Variants in PTPRR observed in about 807,000 individuals in gnomAD.
PTPRR encodes receptor-type tyrosine-protein phosphatase R.
Under a neutral mutation model 77.2 loss-of-function variants are expected in PTPRR, and 38 were observed. That is an observed-to-expected ratio of 0.49 (90% CI 0.38 to 0.65). The LOEUF (loss-of-function observed/expected upper bound fraction) is 0.65, where lower values mean the gene tolerates loss of function less well. Ranked by LOEUF, PTPRR falls within the 30% of genes least tolerant of loss-of-function variation. The pLI is 0.00. For synonymous variants in PTPRR, 299 were observed against 283.1 expected (o/e 1.06, Z -0.57); for missense variants, 744 against 799.2 (o/e 0.93, Z 0.83).
intron 2 of PTPRR, among the ~76,000 whole-genome samples, chr12:70,875,465 G>C (rs1369482841): frequency 6.6e-6 from 1 of 152,124 alleles, no homozygotes; most frequent in Admixed American, 6.6e-5. Context: ...GAATGGAGAA[G>C]AGGGGAAGGA....
chr12:70,680,604 A>G (rs7298378), intron 10 of PTPRR, among the ~76,000 whole-genome samples: 25,097 of 152,064 alleles, frequency 0.17, 2,393 homozygotes, highest in South Asian at 0.26. Context: ...ACAAGAACAA[A>G]TCCACTGGTT....
intron 2 of PTPRR, among the ~76,000 whole-genome samples, chr12:70,866,544 C>T (rs1167141731): frequency 1.3e-5 from 2 of 152,288 alleles, no homozygotes; most frequent in South Asian, 2.1e-4. Flanking sequence ...TAATCAATAG[C>T]TTACCAACCA....
At chr12:70,779,935 C>T (rs995063812) in intron 2 of PTPRR, among the ~76,000 whole-genome samples, 2 of 151,980 alleles carry the variant, frequency 1.3e-5, no homozygotes, top group African/African-American at 4.8e-5. Flanking sequence ...GACACTTTGA[C>T]TACTATAACA....
intron 2 of PTPRR, among the ~76,000 whole-genome samples, chr12:70,800,244 C>T (rs993065905): frequency 1.3e-5 from 2 of 151,526 alleles, no homozygotes; most frequent in African/African-American, 4.8e-5. Context: ...CTACCCACTG[C>T]ATTTTAGACA....
chr12:70,793,307 T>A (rs1385483007), intron 2 of PTPRR, among the ~76,000 whole-genome samples: 1 of 152,200 alleles, frequency 6.6e-6, no homozygotes, highest in Admixed American at 6.5e-5. Context: ...ATGGAAATTC[T>A]AAATACGTGG....
intron 10 of PTPRR, chr12:70,672,863 G>A (rs1161131097): frequency 6.4e-7 from 1 of 1,559,002 alleles, no homozygotes; most frequent in East Asian, 2.5e-5. Flanking sequence ...GTGGTGTGAT[G>A]GCTCCTGCAC....
intron 2 of PTPRR, chr12:70,788,958 T>A: frequency 3.9e-6 from 5 of 1,287,128 alleles, no homozygotes; most frequent in Non-Finnish European, 5.1e-6. Flanking sequence ...TTTAGTCACC[T>A]GGAGGTAACC....
intron 10 of PTPRR, among the ~76,000 whole-genome samples, chr12:70,678,896 G>T (rs1887550372): frequency 6.6e-6 from 1 of 152,080 alleles, no homozygotes. Flanking sequence ...TGGCCAGGCT[G>T]GTCTCGAACT....
chr12:70,685,631 C>T (rs1355629785), intron 8 of PTPRR, among the ~76,000 whole-genome samples: 1 of 152,052 alleles, frequency 6.6e-6, no homozygotes, highest in African/African-American at 2.4e-5. Context: ...GCCTGGACAA[C>T]AGAGGGAGAG....
chr12:70,776,681 C>T (rs1366330722), intron 2 of PTPRR, among the ~76,000 whole-genome samples: 1 of 151,924 alleles, frequency 6.6e-6, no homozygotes, highest in Admixed American at 6.6e-5. Context: ...CTTTCTTCTC[C>T]TTGGAGACTC....
intron 2 of PTPRR, among the ~76,000 whole-genome samples, chr12:70,803,683 T>C: frequency 6.6e-6 from 1 of 152,156 alleles, no homozygotes; most frequent in South Asian, 2.1e-4. Context: ...AAGGAAAATA[T>C]AATGCCTGAG....
intron 2 of PTPRR, among the ~76,000 whole-genome samples, chr12:70,839,597 T>C (rs116883232): frequency 0.013 from 1,983 of 152,336 alleles, 23 homozygotes; most frequent in Non-Finnish European, 0.019. Context: ...ATTATCCATA[T>C]GGTCTGCAAC....
intron 1 of PTPRR, among the ~76,000 whole-genome samples, chr12:70,913,164 A>G (rs1293150854): frequency 6.6e-6 from 1 of 152,170 alleles, no homozygotes; most frequent in Admixed American, 6.5e-5. Flanking sequence ...ATAATTCACA[A>G]AATAGTCTCC....
Position 70,684,749 on chromosome 12 carries a change from AT to A in PTPRR, c.1313del (p.Asn438MetfsTer2). ...TGTAGGTGCTCAATGAATCGGTTAC[AT>A]TTTTTGGTCTTAAACACACTCTGCT... Reference protein sequence around the residue: ...PLSRVCLRPKNVTDSLSTYIN... With the variant: ...PLSRVCLRPKXVTDSLSTYIN... On this transcript the variant is annotated frameshift_variant, in exon 9 of 14. Transcript: ENST00000283228. LOFTEE classifies it high-confidence loss of function. 6.2e-7 allele frequency: 1 copy of A among 1,607,586 alleles called. No individual in the cohort carries two copies. Among genetic ancestry groups the A allele is most frequent in the South Asian group, 1.1e-5 (1 of 90,232 alleles).
chr12:70,680,864 G>A (rs1887629671), intron 10 of PTPRR, among the ~76,000 whole-genome samples: 1 of 152,134 alleles, frequency 6.6e-6, no homozygotes, highest in African/African-American at 2.4e-5. Context: ...ACTGTTGAGT[G>A]CACCAGGGAC....
chr12:70,879,656 T>G (rs1369116046), intron 2 of PTPRR, among the ~76,000 whole-genome samples: 1 of 152,198 alleles, frequency 6.6e-6, no homozygotes, highest in African/African-American at 2.4e-5. Flanking sequence ...GAAATATAGT[T>G]TCTTTTTTTC....
rs532510010 is a variant in PTPRR, at chr12:70,900,865, G to A, written c.59-7888C>T. On this transcript the variant is annotated intron_variant, in intron 1 of 13. Coordinates refer to ENST00000283228, the MANE Select transcript of PTPRR (RefSeq NM_002849.4). ...TTAGAATGGGTTTATCAAAAAAGAT[G>A]AAAGTTAAGTGTTGGCCAGGATGGG... Among the ~76,000 whole-genome samples the A allele has an allele frequency of 2.0e-5, 3 of 151,588 alleles. No individual in the cohort carries two copies. In the South Asian group the frequency reaches 6.2e-4, roughly 31 times the overall value.
intron 1 of PTPRR, among the ~76,000 whole-genome samples, chr12:70,916,974 A>G (rs1893784542): frequency 6.6e-6 from 1 of 152,226 alleles, no homozygotes; most frequent in Non-Finnish European, 1.5e-5. Flanking sequence ...AACATTCCCT[A>G]GGAAAAAGAA....
intron 6 of PTPRR, among the ~76,000 whole-genome samples, chr12:70,701,993 A>G (rs1187836238): frequency 2.6e-5 from 4 of 152,080 alleles, no homozygotes; most frequent in Non-Finnish European, 4.4e-5. Flanking sequence ...AAATAAAACA[A>G]TAGATAAAAA....
Sources: gnomAD v4.1 joint callset for allele counts (sites outside exome capture counted in the v4.1 genomes callset) on GRCh38, gnomAD v4.1.1 for gene constraint, MANE v1.5 for transcripts, NCBI Gene and HGNC (gene_info 2026-07-23, HGNC 2026-07-21) for gene names.